The following TBC1D16 variants were observed in gnomAD, a reference collection of about 807,000 sequenced individuals.
The protein encoded by TBC1D16 is TBC1 domain family member 16, also known as CTD-2529O21.1.
Under a neutral mutation model 74.7 loss-of-function variants are expected in TBC1D16, and 58 were observed. That is an observed-to-expected ratio of 0.78 (90% confidence interval 0.63 to 0.97). The LOEUF (loss-of-function observed/expected upper bound fraction) is 0.97. TBC1D16 is among the 50% of genes least tolerant of loss of function. The pLI is 0.00. For missense variants in TBC1D16, 1,014 were observed against 1,079.5 expected (o/e 0.94, Z 0.85); for synonymous variants, 493 against 474.7 (o/e 1.04, Z -0.50).
intron 1 of TBC1D16, among the ~76,000 whole-genome samples, chr17:80,016,941 G>A (rs760038994): frequency 4.6e-5 from 7 of 152,170 alleles, no homozygotes; most frequent in Non-Finnish European, 8.8e-5. Flanking sequence ...AGATCCCGAC[G>A]TCAACATCAC....
rs912606779 is a variant in TBC1D16, at chr17:79,981,694, G to A, written c.779+28466C>T. 2.6e-5 allele frequency among the ~76,000 whole-genome samples: 4 copies of A among 152,222 alleles called. No individual in the cohort carries two copies. The highest frequency in any genetic ancestry group is 6.5e-5 in the Admixed American group (1 of 15,282). ...CAGTCAAAGAAGCACCTCCCACACC[G>A]GAGGCAAGGGACGCGCCACCCTCGG... On this transcript the variant is annotated intron_variant, in intron 3 of 11. Transcript: ENST00000310924. This position sits in a 1 kb window ranked among gnomAD's most constrained non-coding sequence, Gnocchi z 6.9.
intron 9 of TBC1D16, among the ~76,000 whole-genome samples, chr17:79,946,376 C>T (rs908269452): frequency 1.3e-5 from 2 of 152,234 alleles, no homozygotes; most frequent in African/African-American, 4.8e-5. Context: ...GATCTGACGG[C>T]AGGTGGAGCT....
At chr17:80,011,649 AC>A (rs2035897564) in intron 2 of TBC1D16, among the ~76,000 whole-genome samples, 1 of 151,882 alleles carries the variant, frequency 6.6e-6, no homozygotes, top group Non-Finnish European at 1.5e-5. Context: ...ACATGGTGAA[AC>A]CCTGTCTCTA....
chr17:80,015,153 G>A (rs2036041083), intron 1 of TBC1D16, among the ~76,000 whole-genome samples: 1 of 152,178 alleles, frequency 6.6e-6, no homozygotes, highest in African/African-American at 2.4e-5. Flanking sequence ...GGCACAGCTG[G>A]GCACAATGAC....
At position 80,013,113 on chromosome 17, in the gene TBC1D16, G is replaced by A. The variant is rs2035952526; in HGVS notation, c.181+254C>T. Among the ~76,000 whole-genome samples, 5 of 152,252 alleles carry A rather than the reference G, an allele frequency of 3.3e-5. No individual in the cohort carries two copies. The South Asian group carries it at 1.0e-3, about 31-fold the overall frequency. On this transcript the variant is annotated intron_variant, in intron 2 of 11. Coordinates refer to ENST00000310924, the MANE Select transcript of TBC1D16 (RefSeq NM_019020.4). ...CACACGAATGACAAGGGGCCAGGCAGGCCTGAGGGATCACTAACCCATCTT... is the reference window on the plus strand; with the variant it reads ...CACACGAATGACAAGGGGCCAGGCAAGCCTGAGGGATCACTAACCCATCTT...
chr17:80,011,461 G>A (rs542416015), intron 2 of TBC1D16, among the ~76,000 whole-genome samples: 2 of 152,254 alleles, frequency 1.3e-5, no homozygotes, highest in African/African-American at 4.8e-5. Context: ...CAGCGGCCCA[G>A]GTGCCCAGCT....
intron 1 of TBC1D16, among the ~76,000 whole-genome samples, chr17:80,030,956 C>T (rs1339240061): frequency 6.6e-6 from 1 of 152,230 alleles, no homozygotes; most frequent in Non-Finnish European, 1.5e-5. Flanking sequence ...GAAACAGCGA[C>T]ACCTTATTAA....
rs574205461 is a variant in TBC1D16, at chr17:79,991,240, C to A, written c.779+18920G>T. On this transcript the variant is annotated intron_variant, in intron 3 of 11. Coordinates refer to ENST00000310924, the MANE Select transcript of TBC1D16 (RefSeq NM_019020.4). ...CCACGCCGGGAGAGCAGGAATGACA[C>A]AAAGCAGGCTGCATCTGGCTGTGTC... 3.6e-3 allele frequency among the ~76,000 whole-genome samples: 547 copies of A among 152,356 alleles called. 6 individuals are homozygous for A. The highest frequency in any genetic ancestry group is 0.013 in the African/African-American group (528 of 41,590).
chr17:79,998,982 G>A (rs1412422199), intron 3 of TBC1D16, among the ~76,000 whole-genome samples: 1 of 152,132 alleles, frequency 6.6e-6, no homozygotes, highest in Admixed American at 6.5e-5. Flanking sequence ...GGGGCTGGGC[G>A]CGGTGGCTCA....
chr17:79,989,346 C>G (rs1371527863), intron 3 of TBC1D16, among the ~76,000 whole-genome samples: 2 of 152,254 alleles, frequency 1.3e-5, no homozygotes, highest in African/African-American at 2.4e-5. Flanking sequence ...GTGGTTGGTT[C>G]AGCAGAGCCC....
chr17:79,989,633 G>A (rs1256093656), intron 3 of TBC1D16, among the ~76,000 whole-genome samples: 4 of 152,244 alleles, frequency 2.6e-5, no homozygotes, highest in Non-Finnish European at 5.9e-5. Context: ...AGCTCTAGCT[G>A]GTTCTGCCCA....
chr17:80,006,220 CTT>C (rs1046896932), intron 3 of TBC1D16, among the ~76,000 whole-genome samples: 10 of 147,526 alleles, frequency 6.8e-5, no homozygotes, highest in Admixed American at 2.7e-4. Flanking sequence ...CTCTTTCTCT[CTT>C]TCTTTCTCTC....
At position 79,979,103 on chromosome 17, in the gene TBC1D16, G is replaced by A. The variant is rs368342298; in HGVS notation, c.780-26285C>T. On this transcript the variant is annotated intron_variant, in intron 3 of 11. Coordinates refer to ENST00000310924, the MANE Select transcript of TBC1D16 (RefSeq NM_019020.4). The surrounding 1 kb of genome is among the most constrained non-coding windows in gnomAD (Gnocchi z 4.8). ...GATGATTCTAAACCAAAGCGCCCTC[G>A]TGGGCTCCACGCTCTCAGCCTGTCC... is the stretch of plus-strand genomic sequence containing the variant. 3.3e-5 allele frequency among the ~76,000 whole-genome samples: 5 copies of A among 152,332 alleles called. No individual in the cohort carries two copies. The highest frequency in any genetic ancestry group is 1.9e-4 in the East Asian group (1 of 5,186).
chr17:80,023,669 C>CG (rs2036373868), intron 1 of TBC1D16, among the ~76,000 whole-genome samples: 1 of 148,962 alleles, frequency 6.7e-6, no homozygotes, highest in Non-Finnish European at 1.5e-5. Context: ...CCCCCCCCAC[C>CG]GGCTCAGGGC....
intron 3 of TBC1D16, among the ~76,000 whole-genome samples, chr17:80,006,600 T>A (rs1392611366): frequency 6.6e-6 from 1 of 152,024 alleles, no homozygotes; most frequent in Non-Finnish European, 1.5e-5. Context: ...ACCAGGGAAA[T>A]GCAGATTCCA....
chr17:80,015,601 G>A (rs978477450), intron 1 of TBC1D16, among the ~76,000 whole-genome samples: 7 of 152,192 alleles, frequency 4.6e-5, no homozygotes, highest in African/African-American at 1.4e-4. Flanking sequence ...CCACAGAGGG[G>A]CTTCACCTTC....
chr17:79,963,530 T>C (rs997865920), intron 3 of TBC1D16, among the ~76,000 whole-genome samples: 1 of 152,252 alleles, frequency 6.6e-6, no homozygotes, highest in African/African-American at 2.4e-5. Flanking sequence ...ATGTGAATAA[T>C]GCTGTGAAGC....
Position 79,987,848 on chromosome 17 carries a change from T to C in TBC1D16, c.779+22312A>G, listed in dbSNP as rs1432856931. Among the ~76,000 whole-genome samples, 1 of 130,356 alleles carries C rather than the reference T, an allele frequency of 7.7e-6. No homozygotes were observed. Among genetic ancestry groups the C allele is most frequent in the East Asian group, 2.2e-4 (1 of 4,498 alleles). The allele number at this position is 130,356 out of a possible 152,430, so 85.5% of individuals were successfully genotyped here. On this transcript the variant is annotated intron_variant, in intron 3 of 11. Transcript: ENST00000310924. The surrounding 1 kb of genome is among the most constrained non-coding windows in gnomAD (Gnocchi z 5.2). ...GAGGAATTTCCCATCCTGAAGCTTT[T>C]AAAGCAGACAAACACATGAGTGCTG...
At chr17:79,948,846 A>G in intron 8 of TBC1D16, 26 bp downstream of exon 8, 1 of 1,613,630 alleles carries the variant, frequency 6.2e-7, no homozygotes, top group Non-Finnish European at 8.5e-7. Context: ...TGCAGATGGG[A>G]AAGGAGCTGG....
Sources: allele counts gnomAD v4.1 joint callset (sites outside exome capture counted in the v4.1 genomes callset), GRCh38; gene constraint gnomAD v4.1.1; non-coding constraint Gnocchi (gnomAD v3.1); transcripts MANE v1.5; gene names NCBI Gene and HGNC (gene_info 2026-07-23, HGNC 2026-07-21).